ANO7: variants seen among roughly 807,000 people sequenced by gnomAD.
ANO7 encodes anoctamin 7, also known as anoctamin-7.
Under a neutral mutation model 115.8 loss-of-function variants are expected in ANO7, and 114 were observed. That is an observed-to-expected ratio of 0.98 (90% CI 0.85 to 1.15). The LOEUF (loss-of-function observed/expected upper bound fraction) is 1.15, where lower values mean the gene tolerates loss of function less well. Among genes scored for constraint, ANO7 ranks in the 50% most tolerant of loss-of-function variants. The pLI is 0.00. For synonymous variants in ANO7, 550 were observed against 498.2 expected (o/e 1.10, Z -1.38); for missense variants, 1,302 against 1,201.2 (o/e 1.08, Z -1.24).
chr2:241,215,060 C>T (rs1287961639), intron 18 of ANO7, among the ~76,000 whole-genome samples, 158 bp downstream of exon 18: 1 of 152,122 alleles, frequency 6.6e-6, no homozygotes, highest in Non-Finnish European at 1.5e-5. Flanking sequence ...GCCGTCTGCC[C>T]CGGGCTCTGG....
intron 11 of ANO7, among the ~76,000 whole-genome samples, chr2:241,207,875 A>G (rs1428907420): frequency 5.9e-5 from 9 of 152,216 alleles, no homozygotes; most frequent in Non-Finnish European, 1.2e-4. Context: ...AGCACTTGGC[A>G]GAGTGGCCCA....
rs151090828 is a variant in ANO7 at position 241,217,674 on chromosome 2, C to A, written c.1973-12C>A. On this transcript the variant is annotated splice_polypyrimidine_tract_variant and intron_variant, in intron 19 of 24. Transcript: ENST00000674324. ...GGTGGCGGAGAGCCCGGCCGTGACC[C>A]CCTCCCCGCAGTGCTGCAGTTCGGC... 0.025 allele frequency: 40,037 copies of A among 1,570,354 alleles called. 619 individuals are homozygous for A. The highest frequency in any genetic ancestry group is 0.029 in the Non-Finnish European group (33,543 of 1,158,782).
At chr2:241,231,018 A>G in the ANO7 span, 2 of 1,322,740 alleles carry the variant, frequency 1.5e-6, no homozygotes, top group Non-Finnish European at 1.1e-6. Context: ...GCCGGCCCCC[A>G]CTGCTGAGGA....
At chr2:241,240,161 G>A in the ANO7 span, 275 of 1,590,874 alleles carry the variant, frequency 1.7e-4, no homozygotes, top group Non-Finnish European at 2.0e-4. This position sits in a 1 kb window ranked among gnomAD's most constrained non-coding sequence, Gnocchi z 5.5. Context: ...CTGACACCAC[G>A]TGCCTGGACC....
rs766689648 is a variant in ANO7, at chr2:241,218,226, C to T, written c.2179-13C>T. 2.7e-6 allele frequency: 4 copies of T among 1,465,274 alleles called. No homozygotes were observed. The highest frequency in any genetic ancestry group is 3.6e-6 in the Non-Finnish European group (4 of 1,111,860). The allele number at this position is 1,465,274 out of a possible 1,614,324, so 90.8% of individuals were successfully genotyped here. On this transcript the variant is annotated splice_polypyrimidine_tract_variant and intron_variant, in intron 20 of 24. Coordinates refer to ENST00000674324, the MANE Select transcript of ANO7 (RefSeq NM_001370694.2). ...AGCGGGGGCCGCCTCGCGCTGACCC[C>T]TCCGGCGCCCAGGCCTTCCTCCTGG...
At chr2:241,236,811 A>G in the ANO7 span, 3 of 1,602,034 alleles carry the variant, frequency 1.9e-6, no homozygotes, top group Non-Finnish European at 2.6e-6. Flanking sequence ...AGCTGCTGGA[A>G]GAGACCCCAC....
At chr2:241,229,732 C>T, downstream of ANO7, 1 of 1,611,598 alleles carries the variant, frequency 6.2e-7, no homozygotes, top group Non-Finnish European at 8.5e-7. Context: ...TGCTCCCCAA[C>T]TCGCAAGCAG....
At position 241,210,548 on chromosome 2, in the gene ANO7, G is replaced by C; in HGVS notation, c.1539G>C (p.Leu513=). 6.2e-7 allele frequency: 1 copy of C among 1,613,836 alleles called. No homozygotes were observed. Among genetic ancestry groups the C allele is most frequent in the Non-Finnish European group, 8.5e-7 (1 of 1,179,988 alleles). ...ILILSKIYVS[L]AHVLTRWEMH... ...TCCTCTCCAAGATCTATGTATCCCT[G>C]GCCCACGTCCTGACACGATGGGGTG... Residue 513 remains leucine (L), a synonymous_variant, in exon 15 of 25, where the codon CTG becomes CTC. Coordinates refer to ENST00000674324, the MANE Select transcript of ANO7 (RefSeq NM_001370694.2).
At chr2:241,232,322 C>A in the ANO7 span, among the ~76,000 whole-genome samples, 2 of 150,964 alleles carry the variant, frequency 1.3e-5, no homozygotes, top group Non-Finnish European at 2.9e-5. Flanking sequence ...GTCGCCCAGG[C>A]TGGAGTGCAA....
At chr2:241,221,285 A>G (rs187787842) in intron 21 of ANO7, among the ~76,000 whole-genome samples, 1 of 151,924 alleles carries the variant, frequency 6.6e-6, no homozygotes, top group East Asian at 2.0e-4. Context: ...CATGTGGGCA[A>G]AGCTGGTCTT....
chr2:241,201,578 G>C (rs75397051), intron 7 of ANO7, among the ~76,000 whole-genome samples: 1 of 152,198 alleles, frequency 6.6e-6, no homozygotes, highest in Non-Finnish European at 1.5e-5. Context: ...GTTCCCCTCC[G>C]GGACCCCAGG....
rs577580433 is a variant in ANO7, at chr2:241,188,921, G to C, written c.-8+155G>C. ...CCGCCCTGGTCCCCAAAGCCCCTTG[G>C]GGCACGAGGAGGGACACACACTCAG... On this transcript the variant is annotated intron_variant, in intron 1 of 24. Transcript: ENST00000674324. The surrounding 1 kb of genome is among the most constrained non-coding windows in gnomAD (Gnocchi z 4.3). 2.0e-5 allele frequency among the ~76,000 whole-genome samples: 3 copies of C among 152,332 alleles called. No individual in the cohort carries two copies. The highest frequency in any genetic ancestry group is 2.1e-4 in the South Asian group (1 of 4,832).
chr2:241,233,785 C>T, the ANO7 span: 10 of 1,613,180 alleles, frequency 6.2e-6, no homozygotes, highest in Non-Finnish European at 8.5e-6. This position sits in a 1 kb window ranked among gnomAD's most constrained non-coding sequence, Gnocchi z 4.3. Flanking sequence ...CAACAAGCAC[C>T]TCTGCCCCCG....
chr2:241,212,366 T>A (rs1004033232), intron 16 of ANO7, among the ~76,000 whole-genome samples, 161 bp downstream of exon 16: 2 of 152,172 alleles, frequency 1.3e-5, no homozygotes, highest in Non-Finnish European at 2.9e-5. Context: ...TCCTGGCACC[T>A]CTGAGCAAAC....
chr2:241,229,908 T>C (rs2069525202), downstream of ANO7: 1 of 1,599,962 alleles, frequency 6.3e-7, no homozygotes, highest in Non-Finnish European at 8.5e-7. Flanking sequence ...CCTCTTCGTG[T>C]GCTGGGGGTT....
At chr2:241,217,608 G>A (rs780892382) in intron 19 of ANO7, 78 bp from the exon 20 acceptor site, 15 of 1,479,454 alleles carry the variant, frequency 1.0e-5, no homozygotes, top group African/African-American at 2.8e-5. Flanking sequence ...TGGACTGGCC[G>A]GTCCTCCGCG....
intron 11 of ANO7, 47 bp from the exon 12 acceptor site, chr2:241,209,238 G>A: frequency 6.6e-7 from 1 of 1,523,608 alleles, no homozygotes; most frequent in Non-Finnish European, 8.8e-7. Flanking sequence ...AGGAACAAGG[G>A]GCCTCCAGTC....
the ANO7 span, among the ~76,000 whole-genome samples, chr2:241,232,172 G>A: frequency 7.4e-4 from 112 of 152,262 alleles, 2 homozygotes; most frequent in South Asian, 0.021. Flanking sequence ...CCTCAAGATC[G>A]GAAGCACAGC....
intron 11 of ANO7, among the ~76,000 whole-genome samples, chr2:241,208,045 G>A (rs1460535554): frequency 1.3e-5 from 2 of 152,082 alleles, no homozygotes; most frequent in East Asian, 1.9e-4. Flanking sequence ...CAAGACCTGG[G>A]CGGGAGGCTC....
Sources: allele counts gnomAD v4.1 joint callset (sites outside exome capture counted in the v4.1 genomes callset), GRCh38; gene constraint gnomAD v4.1.1; non-coding constraint Gnocchi (gnomAD v3.1); transcripts MANE v1.5; gene names NCBI Gene and HGNC (gene_info 2026-07-23, HGNC 2026-07-21).